The following PRKG1 variants were observed in gnomAD, a reference collection of about 807,000 sequenced individuals.
The protein encoded by PRKG1 is protein kinase cGMP-dependent 1.
PRKG1 carries 35 observed loss-of-function variants against 88.1 expected under a neutral mutation model. The ratio of observed to expected loss-of-function variants is 0.40; its 90% CI spans 0.30 to 0.53. PRKG1 has a LOEUF of 0.53. Ranked by LOEUF, PRKG1 falls within the 20% of genes least tolerant of loss-of-function variation. PRKG1 has a pLI of 0.59. For synonymous variants in PRKG1, 303 were observed against 292.5 expected (o/e 1.04, Z -0.37); for missense variants, 540 against 839.8 (o/e 0.64, Z 4.41).
intron 4 of PRKG1, among the ~76,000 whole-genome samples, chr10:51,893,603 T>C (rs1352898809): frequency 6.6e-6 from 1 of 152,204 alleles, no homozygotes; most frequent in Non-Finnish European, 1.5e-5. Context: ...TCAATCTGAA[T>C]GTTTTAAGTA....
At chr10:51,290,405 C>G (rs1840554495) in intron 2 of PRKG1, among the ~76,000 whole-genome samples, 1 of 152,136 alleles carries the variant, frequency 6.6e-6, no homozygotes, top group Non-Finnish European at 1.5e-5. Context: ...AGGAGGATTA[C>G]TTGAGCCCAG....
chr10:51,506,070 A>T (rs1002028440), intron 3 of PRKG1, among the ~76,000 whole-genome samples: 2 of 152,274 alleles, frequency 1.3e-5, no homozygotes, highest in Non-Finnish European at 1.5e-5. Flanking sequence ...TTCCCTAGTT[A>T]ATAAACGGTG....
At position 51,715,998 on chromosome 10, in the gene PRKG1, C is replaced by G. The variant is rs548628546; in HGVS notation, c.593-88587C>G. 1.5e-3 allele frequency among the ~76,000 whole-genome samples: 228 copies of G among 152,312 alleles called. 1 individual carries two copies. The highest frequency in any genetic ancestry group is 5.3e-3 in the African/African-American group (220 of 41,572). On this transcript the variant is annotated intron_variant, in intron 3 of 17. Transcript: ENST00000373980. ...TATATTCTCCTCCCAAATCTCACTTCCCCCAAATGCTGAGGCTTCTTGCTA... is the reference window on the plus strand; with the variant it reads ...TATATTCTCCTCCCAAATCTCACTTGCCCCAAATGCTGAGGCTTCTTGCTA...
chr10:51,678,852 C>A (rs756991496), intron 3 of PRKG1, among the ~76,000 whole-genome samples: 1 of 152,088 alleles, frequency 6.6e-6, no homozygotes, highest in Non-Finnish European at 1.5e-5. Flanking sequence ...CACAAACTAC[C>A]CCAGGGGCTT....
chr10:51,720,355 T>C (rs10999073), intron 3 of PRKG1, among the ~76,000 whole-genome samples: 67,198 of 151,904 alleles, frequency 0.44, 15,477 homozygotes, highest in Middle Eastern at 0.57. Context: ...GGAAGGGTTA[T>C]TTTCACCTCT....
In PRKG1 at chr10:51,162,741, G is replaced by A. The variant is rs1216706619; in HGVS notation, c.478+9411G>A. 2.6e-5 allele frequency among the ~76,000 whole-genome samples: 4 copies of A among 151,994 alleles called. No individual in the cohort carries two copies. In the East Asian group the frequency reaches 7.8e-4, roughly 30 times the overall value. ...TTAAATGTTATTTTATTAGTTTTGA[G>A]ACAGGATCTCACTCTTTCCCATGCT... On this transcript the variant is annotated intron_variant, in intron 2 of 17. Coordinates refer to ENST00000373980, the MANE Select transcript of PRKG1 (RefSeq NM_006258.4).
At chr10:51,973,072 A>T (rs750352212) in intron 5 of PRKG1, among the ~76,000 whole-genome samples, 18 of 152,196 alleles carry the variant, frequency 1.2e-4, no homozygotes, top group Non-Finnish European at 2.4e-4. Flanking sequence ...CAACAGGATC[A>T]GCCCAAGATT....
At chr10:51,210,651 G>T (rs538536268) in intron 2 of PRKG1, among the ~76,000 whole-genome samples, 1 of 152,286 alleles carries the variant, frequency 6.6e-6, no homozygotes, top group South Asian at 2.1e-4. Context: ...TGATCCCATA[G>T]AAATACAAAC....
intron 5 of PRKG1, among the ~76,000 whole-genome samples, chr10:52,039,671 G>C (rs968136565): frequency 1.3e-5 from 2 of 152,086 alleles, no homozygotes; most frequent in South Asian, 4.1e-4. Flanking sequence ...CCATAACCTA[G>C]GAAGGGACCT....
At chr10:51,508,706 C>A (rs1841303449) in intron 3 of PRKG1, among the ~76,000 whole-genome samples, 1 of 152,150 alleles carries the variant, frequency 6.6e-6, no homozygotes, top group South Asian at 2.1e-4. Flanking sequence ...TTTTAGCTCT[C>A]TTCATTCCCT....
At chr10:52,111,844 A>G (rs1847571700) in intron 7 of PRKG1, among the ~76,000 whole-genome samples, 1 of 152,184 alleles carries the variant, frequency 6.6e-6, no homozygotes, top group Admixed American at 6.5e-5. Flanking sequence ...TTATCATCTC[A>G]TTGAATTCCT....
intron 4 of PRKG1, among the ~76,000 whole-genome samples, chr10:51,816,536 C>CGTGTGTGTGTGT (rs769022267): frequency 0.04 from 3,893 of 98,398 alleles, 178 homozygotes; most frequent in African/African-American, 0.11. Context: ...ATAATTTTGG[C>CGTGTGTGTGTGT]ATGTGTGTGT....
intron 3 of PRKG1, among the ~76,000 whole-genome samples, chr10:51,512,150 G>C (rs1225743957): frequency 1.3e-5 from 2 of 149,918 alleles, no homozygotes; most frequent in Admixed American, 1.3e-4. Context: ...AGGGGACACA[G>C]AGAGTACTTC....
At chr10:51,802,928 T>C (rs1018375927) in intron 3 of PRKG1, among the ~76,000 whole-genome samples, 1 of 152,090 alleles carries the variant, frequency 6.6e-6, no homozygotes, top group Non-Finnish European at 1.5e-5. Context: ...AGCTCAGCCA[T>C]TTCAGTCTCT....
At chr10:52,050,684 G>A (rs1370419604) in intron 5 of PRKG1, among the ~76,000 whole-genome samples, 1 of 152,148 alleles carries the variant, frequency 6.6e-6, no homozygotes, top group East Asian at 1.9e-4. Flanking sequence ...ATGCAACATG[G>A]ACATATGTTC....
At chr10:52,119,078 GTAT>G (rs571058176) in intron 7 of PRKG1, among the ~76,000 whole-genome samples, 163 of 151,852 alleles carry the variant, frequency 1.1e-3, no homozygotes, top group African/African-American at 3.6e-3. Flanking sequence ...CCTATATAAA[GTAT>G]TATTATGAAA....
chr10:51,597,036 T>C (rs1173379648), intron 3 of PRKG1, among the ~76,000 whole-genome samples: 1 of 152,210 alleles, frequency 6.6e-6, no homozygotes, highest in East Asian at 1.9e-4. Flanking sequence ...AAGCTTCACA[T>C]GAATCAGCCT....
chr10:51,150,632 A>ATTGATTAGTTTCTT (rs1330801644), intron 1 of PRKG1, among the ~76,000 whole-genome samples: 1 of 152,070 alleles, frequency 6.6e-6, no homozygotes, highest in Non-Finnish European at 1.5e-5. Flanking sequence ...GTGGTCCTAT[A>ATTGATTAGTTTCTT]TTGATTAGTT....
chr10:51,095,050 T>A (rs2131871157), intron 1 of PRKG1, among the ~76,000 whole-genome samples: 1 of 152,236 alleles, frequency 6.6e-6, no homozygotes, highest in Non-Finnish European at 1.5e-5. Flanking sequence ...ATCCTTAAAA[T>A]CACACATTAC....
Sources: gnomAD v4.1 joint callset for allele counts (sites outside exome capture counted in the v4.1 genomes callset) on GRCh38, gnomAD v4.1.1 for gene constraint, MANE v1.5 for transcripts, NCBI Gene and HGNC (gene_info 2026-07-23, HGNC 2026-07-21) for gene names.